The following EPSTI1 variants were observed in gnomAD, a reference collection of about 807,000 sequenced individuals.
The protein encoded by EPSTI1 is epithelial stromal interaction 1.
EPSTI1 carries 66 observed loss-of-function variants against 49.9 expected under a neutral mutation model. The observed-to-expected ratio is 1.32, with a 90% CI of 1.08 to 1.62. The LOEUF is 1.62. EPSTI1 is among the 40% of genes most tolerant of loss of function. The pLI, the probability that EPSTI1 is intolerant of heterozygous loss-of-function variation, is 0.00. For missense variants in EPSTI1, 394 were observed against 365.5 expected (o/e 1.08, Z -0.64); for synonymous variants, 137 against 130.7 (o/e 1.05, Z -0.33).
chr13:42,921,308 AC>A (rs1460698500), intron 7 of EPSTI1, among the ~76,000 whole-genome samples: 6 of 152,228 alleles, frequency 3.9e-5, no homozygotes, highest in African/African-American at 1.4e-4. Context: ...TTTCTCAGGA[AC>A]CAGTATTCAA....
chr13:42,988,959 C>T (rs1452154905), intron 1 of EPSTI1, among the ~76,000 whole-genome samples: 1 of 151,058 alleles, frequency 6.6e-6, no homozygotes, highest in Non-Finnish European at 1.5e-5. Flanking sequence ...CTCCTGAGCT[C>T]AAGCTATCCT....
intron 1 of EPSTI1, among the ~76,000 whole-genome samples, chr13:42,974,981 G>A (rs2039853383): frequency 6.6e-6 from 1 of 152,036 alleles, no homozygotes. Context: ...TAGTAGACAT[G>A]TAAAGTCTAC....
In EPSTI1 at chr13:42,887,771, G is replaced by A. The variant is rs1387823712; in HGVS notation, c.*723C>T. 2 of 152,540 alleles carry A rather than the reference G, an allele frequency of 1.3e-5. No homozygotes were observed. The highest frequency in any genetic ancestry group is 4.8e-5 in the African/African-American group (2 of 41,442). 9.4% of individuals were successfully genotyped at this position (152,540 alleles called of 1,614,324 possible). A position where few individuals can be genotyped will look rare whatever the true frequency, so the allele number is the denominator to read the frequency against. ...CATATGATGTCTATATTTGTGTCTA[G>A]CTGATGTGTATACAAACATTGGCCT... On this transcript the variant is annotated 3_prime_UTR_variant, in exon 11 of 11. Coordinates refer to ENST00000313624, the MANE Select transcript of EPSTI1 (RefSeq NM_033255.5).
intron 6 of EPSTI1, among the ~76,000 whole-genome samples, chr13:42,948,198 C>G (rs2038976814): frequency 6.6e-6 from 1 of 152,268 alleles, no homozygotes; most frequent in Non-Finnish European, 1.5e-5. Context: ...GGTCTGGGCT[C>G]AGAGAGGCAG....
intron 7 of EPSTI1, chr13:42,919,155 C>A: frequency 1.6e-6 from 1 of 633,380 alleles, no homozygotes; most frequent in African/African-American, 1.8e-5. Flanking sequence ...GAATACATGT[C>A]TTAGTTTTTG....
intron 6 of EPSTI1, among the ~76,000 whole-genome samples, chr13:42,943,394 G>A (rs984664038): frequency 4.6e-5 from 7 of 152,126 alleles, no homozygotes; most frequent in Non-Finnish European, 7.4e-5. Context: ...TGTATTCAGC[G>A]TCTCTTTCCA....
At chr13:42,948,815 C>T (rs1468195896) in intron 6 of EPSTI1, among the ~76,000 whole-genome samples, 2 of 152,174 alleles carry the variant, frequency 1.3e-5, no homozygotes, top group African/African-American at 4.8e-5. Context: ...ATTAAAAGAA[C>T]AAAGCACTTT....
At chr13:42,888,730 T>C (rs2036938793) in intron 10 of EPSTI1, among the ~76,000 whole-genome samples, 1 of 152,212 alleles carries the variant, frequency 6.6e-6, no homozygotes, top group South Asian at 2.1e-4. Context: ...TGTCAAGTGA[T>C]GTCTTATTGG....
At chr13:42,962,722 G>C (rs1326225480) in intron 5 of EPSTI1, among the ~76,000 whole-genome samples, 1 of 151,880 alleles carries the variant, frequency 6.6e-6, no homozygotes, top group Non-Finnish European at 1.5e-5. Flanking sequence ...TGAGGCTGCA[G>C]TGAGCTGTGA....
intron 6 of EPSTI1, 25 bp downstream of exon 6, chr13:42,953,923 C>T (rs376178969): frequency 1.3e-4 from 209 of 1,597,058 alleles, no homozygotes; most frequent in Non-Finnish European, 1.6e-4. Context: ...TATAAAGGCA[C>T]GAAGTTCTGA....
rs150164512 is a variant in EPSTI1, at chr13:42,957,262, T to C, written c.490-3241A>G. Among the ~76,000 whole-genome samples, 4 of 152,350 alleles carry C rather than the reference T, an allele frequency of 2.6e-5. No individual in the cohort carries two copies. In the East Asian group the frequency reaches 7.7e-4, roughly 29 times the overall value. ...AATTTTGAATTTATTGGATTTGAGG[T>C]ATACTTGTGGAATATTTAGGGAGAA... On this transcript the variant is annotated intron_variant, in intron 5 of 10. Coordinates refer to ENST00000313624, the MANE Select transcript of EPSTI1 (RefSeq NM_033255.5).
At chr13:42,906,998 G>A (rs1156360162) in intron 8 of EPSTI1, among the ~76,000 whole-genome samples, 3 of 152,126 alleles carry the variant, frequency 2.0e-5, no homozygotes, top group Non-Finnish European at 4.4e-5. Context: ...ATATTCCAAA[G>A]CCTCTTATCT....
chr13:42,926,998 C>CACAT (rs1479887845), intron 6 of EPSTI1, among the ~76,000 whole-genome samples: 1 of 137,758 alleles, frequency 7.3e-6, no homozygotes, highest in Non-Finnish European at 1.5e-5. Flanking sequence ...CAGACACACA[C>CACAT]ACACACACAC....
At chr13:42,939,406 T>C (rs1326812813) in intron 6 of EPSTI1, among the ~76,000 whole-genome samples, 2 of 148,098 alleles carry the variant, frequency 1.4e-5, no homozygotes, top group Non-Finnish European at 3.0e-5. Flanking sequence ...CTTAGTCATT[T>C]TTAGCTTTTG....
At chr13:42,985,166 G>GA (rs1455825340) in intron 1 of EPSTI1, among the ~76,000 whole-genome samples, 2 of 152,156 alleles carry the variant, frequency 1.3e-5, no homozygotes, top group Non-Finnish European at 2.9e-5. Context: ...CCCTCCCAAA[G>GA]AAAATCATAT....
At chr13:42,918,405 G>C (rs983662399) in intron 7 of EPSTI1, among the ~76,000 whole-genome samples, 4 of 152,160 alleles carry the variant, frequency 2.6e-5, no homozygotes, top group Non-Finnish European at 4.4e-5. Flanking sequence ...TAATGCTTAG[G>C]AAATTACATG....
chr13:42,928,950 T>C (rs548148697), intron 6 of EPSTI1, among the ~76,000 whole-genome samples: 1 of 152,202 alleles, frequency 6.6e-6, no homozygotes, highest in African/African-American at 2.4e-5. Flanking sequence ...AAGTTGTGCA[T>C]TGAAGGTGGT....
chr13:42,975,703 C>T (rs905699081), intron 1 of EPSTI1, among the ~76,000 whole-genome samples: 1 of 152,178 alleles, frequency 6.6e-6, no homozygotes, highest in African/African-American at 2.4e-5. Context: ...CCACAAATCA[C>T]ACCTTAGCTG....
At chr13:42,937,974 C>T in intron 6 of EPSTI1, among the ~76,000 whole-genome samples, 1 of 152,060 alleles carries the variant, frequency 6.6e-6, no homozygotes, top group South Asian at 2.1e-4. Context: ...CAGATTTATT[C>T]CTTGATCCAT....
Sources: gnomAD v4.1 joint callset for allele counts (sites outside exome capture counted in the v4.1 genomes callset) on GRCh38, gnomAD v4.1.1 for gene constraint, MANE v1.5 for transcripts, NCBI Gene and HGNC (gene_info 2026-07-23, HGNC 2026-07-21) for gene names.